Variants in NLRP11 observed in about 807,000 individuals in gnomAD.
NLRP11 encodes the protein NLR family pyrin domain containing 11.
A neutral mutation model predicts 79.3 loss-of-function variants in NLRP11; 53 were observed. That is an observed-to-expected ratio of 0.67 (90% confidence interval 0.54 to 0.84). The LOEUF is 0.84. NLRP11 is among the 40% of genes least tolerant of loss of function. The pLI, the probability that NLRP11 is intolerant of heterozygous loss-of-function variation, is 0.00. For missense variants in NLRP11, 1,264 were observed against 1,255.0 expected (o/e 1.01, Z -0.11); for synonymous variants, 518 against 462.6 (o/e 1.12, Z -1.54).
At chr19:55,819,890 C>T (rs964543428) in intron 1 of NLRP11, among the ~76,000 whole-genome samples, 5 of 152,140 alleles carry the variant, frequency 3.3e-5, no homozygotes, top group African/African-American at 1.2e-4. Context: ...GCATATTAAG[C>T]TTGCAGACCT....
At chr19:55,836,328 A>G (rs1180777930), upstream of NLRP11, 2 of 152,264 alleles carry the variant, frequency 1.3e-5, no homozygotes, top group South Asian at 2.1e-4. Context: ...GGAATTCTCA[A>G]TAGGAACCTC....
At chr19:55,796,747 T>C (rs531381840) in intron 5 of NLRP11, among the ~76,000 whole-genome samples, 117 of 151,850 alleles carry the variant, frequency 7.7e-4, no homozygotes, top group Non-Finnish European at 1.3e-3. Context: ...AGTGCAATGG[T>C]GCGATCTCGG....
chr19:55,810,589 C>T (rs1980509660), intron 2 of NLRP11, among the ~76,000 whole-genome samples: 1 of 152,162 alleles, frequency 6.6e-6, no homozygotes. Context: ...CTCCACCTCC[C>T]AGGTTCAAGC....
chr19:55,793,406 T>A (rs1178315681), intron 6 of NLRP11, among the ~76,000 whole-genome samples: 1 of 151,424 alleles, frequency 6.6e-6, no homozygotes, highest in Non-Finnish European at 1.5e-5. Context: ...CCGTCTCTGC[T>A]AAAAATACAA....
chr19:55,807,776 G>A (rs1009634056), intron 4 of NLRP11, 77 bp downstream of exon 4: 3 of 992,250 alleles, frequency 3.0e-6, no homozygotes, highest in African/African-American at 1.6e-5. Flanking sequence ...TTTGTATATT[G>A]TCTTCTCCCA....
At chr19:55,831,919 A>T (rs916485534) in intron 1 of NLRP11, 44 bp downstream of exon 1, 1 of 152,172 alleles carries the variant, frequency 6.6e-6, no homozygotes, top group Non-Finnish European at 1.5e-5. Flanking sequence ...ATAAAAAAAG[A>T]CCTTAAAATC....
At chr19:55,796,159 T>C in exon 6 of NLRP11, 1 of 1,614,102 alleles carries the variant, frequency 6.2e-7, no homozygotes, top group Non-Finnish European at 8.5e-7. Context: ...AGCGGATTGC[T>C]GGATAAGGTC....
At chr19:55,817,819 A>G (rs538817823) in intron 2 of NLRP11, 85 bp downstream of exon 2, 88 of 988,840 alleles carry the variant, frequency 8.9e-5, no homozygotes, top group Non-Finnish European at 1.2e-4. Context: ...AAACCTATTT[A>G]GAAAAAAAAA....
At chr19:55,787,882 C>A (rs1989981402) in intron 9 of NLRP11, among the ~76,000 whole-genome samples, 1 of 152,204 alleles carries the variant, frequency 6.6e-6, no homozygotes, top group Non-Finnish European at 1.5e-5. Flanking sequence ...GAACTGAATT[C>A]TGCCAACAAC....
intron 1 of NLRP11, among the ~76,000 whole-genome samples, chr19:55,822,024 C>T (rs746804993): frequency 6.6e-6 from 1 of 152,114 alleles, no homozygotes; most frequent in African/African-American, 2.4e-5. Context: ...TTTGGGAGGC[C>T]GAGGTGGGTG....
At chr19:55,807,800 A>G (rs1279062285) in intron 4 of NLRP11, 53 bp downstream of exon 4, 1 of 1,258,416 alleles carries the variant, frequency 7.9e-7, no homozygotes, top group Non-Finnish European at 1.1e-6. Flanking sequence ...AAAGAAAAAG[A>G]CCACCGTTAT....
intron 9 of NLRP11, among the ~76,000 whole-genome samples, chr19:55,787,602 G>T (rs760837896): frequency 2.0e-5 from 3 of 152,180 alleles, no homozygotes; most frequent in Non-Finnish European, 4.4e-5. Flanking sequence ...CTTCCAAAGT[G>T]CTGGAATTAC....
At chr19:55,807,492 G>A (rs545149268) in intron 4 of NLRP11, among the ~76,000 whole-genome samples, 1 of 152,166 alleles carries the variant, frequency 6.6e-6, no homozygotes, top group East Asian at 1.9e-4. Flanking sequence ...GTAGTTATAT[G>A]AAGCCGTATG....
At chr19:55,808,927 A>C in exon 3 of NLRP11, 1 of 1,614,146 alleles carries the variant, frequency 6.2e-7, no homozygotes, top group Non-Finnish European at 8.5e-7. Flanking sequence ...GAGCATCCAC[A>C]ATCGTCTTCA....
rs1568636556 is a variant in NLRP11, at chr19:55,809,541, G to A, written c.1069C>T (p.Arg357Cys). ...GTTTGGCAGCAGAGCTGGAAGTCACGCCCCTTGTCCATCTGCCGCTTCAGG... is the reference window on the plus strand; with the variant it reads ...GTTTGGCAGCAGAGCTGGAAGTCACACCCCTTGTCCATCTGCCGCTTCAGG... Residue 357 changes from arginine (R) to cysteine (C), a missense_variant, in exon 3 of 10, where the codon CGT (arginine) becomes TGT (cysteine). Physicochemically the swap from Arg to Cys is radical, Grantham distance 180. Coordinates refer to ENST00000589093, the Ensembl canonical transcript of NLRP11. The surrounding 1 kb of genome is among the most constrained non-coding windows in gnomAD (Gnocchi z 4.5). 1.2e-6 allele frequency: 2 copies of A among 1,614,166 alleles called. No individual in the cohort carries two copies. Among genetic ancestry groups the A allele is most frequent in the Non-Finnish European group, 1.7e-6 (2 of 1,180,034 alleles).
At chr19:55,802,559 A>G (rs1032568636) in intron 4 of NLRP11, among the ~76,000 whole-genome samples, 3 of 152,206 alleles carry the variant, frequency 2.0e-5, no homozygotes, top group Non-Finnish European at 4.4e-5. Flanking sequence ...GGAGAGAAGA[A>G]TCAATATTGT....
At chr19:55,788,541 C>T (rs1358520431) in intron 9 of NLRP11, among the ~76,000 whole-genome samples, 2 of 151,444 alleles carry the variant, frequency 1.3e-5, no homozygotes, top group Admixed American at 1.3e-4. Flanking sequence ...GAGATTGAGA[C>T]CACCCTGGCC....
At chr19:55,794,898 TTA>T (rs1697082083) in intron 6 of NLRP11, among the ~76,000 whole-genome samples, 1 of 152,214 alleles carries the variant, frequency 6.6e-6, no homozygotes, top group African/African-American at 2.4e-5. Flanking sequence ...TCAGTTTGTA[TTA>T]TGTTTTGGAA....
In NLRP11 at chr19:55,785,492, G is replaced by GAC. The variant is rs1568623957; in HGVS notation, c.*132_*133insGT. 3.6e-3 allele frequency: 2,351 copies of GAC among 652,600 alleles called. 34 individuals are homozygous for GAC. Among genetic ancestry groups the GAC allele is most frequent in the African/African-American group, 0.023 (976 of 42,080 alleles). 40.4% of individuals were successfully genotyped at this position (652,600 alleles called of 1,614,324 possible). A position where few individuals can be genotyped will look rare whatever the true frequency, so the allele number is the denominator to read the frequency against. On this transcript the variant is annotated 3_prime_UTR_variant, in exon 10 of 10. Coordinates refer to ENST00000589093, the Ensembl canonical transcript of NLRP11. Reference sequence around the variant, plus strand: ...ATTTGAAGTGGTTGACTGGATCAAGGTCACACACACACACACACACACACA... The same window carrying GAC: ...ATTTGAAGTGGTTGACTGGATCAAGGACTCACACACACACACACACACACACA...
Sources: gnomAD v4.1 joint callset for allele counts (sites outside exome capture counted in the v4.1 genomes callset) on GRCh38, gnomAD v4.1.1 for gene constraint, Gnocchi (gnomAD v3.1) non-coding constraint, MANE v1.5 for transcripts, NCBI Gene and HGNC (gene_info 2026-07-23, HGNC 2026-07-21) for gene names.